Variants in ST6GAL2 observed in about 807,000 individuals in gnomAD.
The protein encoded by ST6GAL2 is beta-galactoside alpha-2,6-sialyltransferase 2.
ST6GAL2 carries 24 observed loss-of-function variants against 37.5 expected under a neutral mutation model. The ratio of observed to expected loss-of-function variants is 0.64; its 90% CI spans 0.46 to 0.90. The LOEUF is 0.90. Ranked by LOEUF, ST6GAL2 falls within the 40% of genes least tolerant of loss-of-function variation. The pLI is 0.00. For synonymous variants in ST6GAL2, 306 were observed against 295.1 expected, an observed-to-expected ratio of 1.04 and a Z score of -0.38; for missense variants, 715 against 712.7, an observed-to-expected ratio of 1.00 and a Z score of -0.04.
intron 1 of ST6GAL2, among the ~76,000 whole-genome samples, chr2:106,885,538 T>C (rs1678943648): frequency 6.6e-6 from 1 of 152,008 alleles, no homozygotes; most frequent in Non-Finnish European, 1.5e-5. Flanking sequence ...TTAACTTCAC[T>C]CAGTCCCCCA....
At chr2:106,854,929 CAAA>C (rs34470697) in intron 1 of ST6GAL2, among the ~76,000 whole-genome samples, 1 of 131,052 alleles carries the variant, frequency 7.6e-6, no homozygotes. Context: ...TTATTTTTTC[CAAA>C]AAAAAAAAAA....
chr2:106,866,077 A>G (rs1678014184), intron 1 of ST6GAL2, among the ~76,000 whole-genome samples: 5 of 152,238 alleles, frequency 3.3e-5, no homozygotes, highest in Admixed American at 2.6e-4. Flanking sequence ...GGTACCAAGA[A>G]TATTAGTAAT....
chr2:106,832,067 A>G (rs1275923979), intron 4 of ST6GAL2, among the ~76,000 whole-genome samples: 2 of 152,222 alleles, frequency 1.3e-5, no homozygotes. Flanking sequence ...CCTATTGCAT[A>G]AAATTCAACA....
chr2:106,811,848 G>A (rs563588559), intron 5 of ST6GAL2, among the ~76,000 whole-genome samples: 2 of 152,238 alleles, frequency 1.3e-5, no homozygotes, highest in Admixed American at 1.3e-4. Flanking sequence ...TACTCACGAT[G>A]ATGATTTATA....
At chr2:106,810,621 C>T (rs530156527) in intron 5 of ST6GAL2, among the ~76,000 whole-genome samples, 1 of 152,152 alleles carries the variant, frequency 6.6e-6, no homozygotes, top group African/African-American at 2.4e-5. Flanking sequence ...GGTATGGAGG[C>T]ATCTTCCAAA....
intron 5 of ST6GAL2, among the ~76,000 whole-genome samples, chr2:106,817,394 T>C (rs148638681): frequency 2.0e-5 from 3 of 152,292 alleles, no homozygotes; most frequent in Non-Finnish European, 4.4e-5. Context: ...CACAGTAGGA[T>C]AGGGCACCAG....
chr2:106,806,999 G>A lies in ST6GAL2; in HGVS notation c.1319-50C>T, dbSNP rs768255092. ...ACCTAATGAACAACTCCATGTGAGAGGGATGAGTTTTTTGGGGGAGGGGTG... is the reference window on the plus strand; with the variant it reads ...ACCTAATGAACAACTCCATGTGAGAAGGATGAGTTTTTTGGGGGAGGGGTG... On this transcript the variant is annotated intron_variant, in intron 5 of 5. Transcript: ENST00000409382. 10 of 1,520,978 alleles carry A rather than the reference G, an allele frequency of 6.6e-6. No homozygotes were observed. The South Asian group carries it at 9.9e-5, about 15-fold the overall frequency. 94.2% of individuals were successfully genotyped at this position (1,520,978 alleles called of 1,614,324 possible).
At chr2:106,845,298 G>C (rs1677098852) in intron 1 of ST6GAL2, among the ~76,000 whole-genome samples, 1 of 152,206 alleles carries the variant, frequency 6.6e-6, no homozygotes, top group Non-Finnish European at 1.5e-5. Context: ...GGCACATGCT[G>C]TATAAAAAAT....
At chr2:106,876,942 A>G (rs1164805163) in intron 1 of ST6GAL2, among the ~76,000 whole-genome samples, 13 of 152,136 alleles carry the variant, frequency 8.5e-5, no homozygotes, top group Admixed American at 8.5e-4. Flanking sequence ...AGAGGCAGAA[A>G]ATGAGGAAGA....
chr2:106,885,082 A>C (rs1678922677), intron 1 of ST6GAL2, among the ~76,000 whole-genome samples: 1 of 151,614 alleles, frequency 6.6e-6, no homozygotes. Flanking sequence ...CAAAAAAGGG[A>C]AGCATCAAAG....
intron 1 of ST6GAL2, among the ~76,000 whole-genome samples, chr2:106,862,694 A>G (rs569532613): frequency 2.0e-5 from 3 of 152,180 alleles, no homozygotes; most frequent in Non-Finnish European, 4.4e-5. Flanking sequence ...TTCTGCAATA[A>G]AACAAAATAT....
chr2:106,850,619 A>G (rs1485538632), intron 1 of ST6GAL2, among the ~76,000 whole-genome samples: 1 of 152,170 alleles, frequency 6.6e-6, no homozygotes, highest in African/African-American at 2.4e-5. Flanking sequence ...GCAAAATGCT[A>G]CAGAAATCAC....
chr2:106,823,556 C>A (rs1676092521), intron 5 of ST6GAL2, among the ~76,000 whole-genome samples: 1 of 151,632 alleles, frequency 6.6e-6, no homozygotes, highest in Admixed American at 6.6e-5. Context: ...GGCAAGAACA[C>A]ACGATGTATG....
In ST6GAL2 at chr2:106,860,418, G is replaced by A. The variant is rs560310157; in HGVS notation, c.-57-16384C>T. ...AAAGACTTAGGGCATAATTTCAATG[G>A]GGGAGCCTGGGAAGGTCTTTTGCAG... On this transcript the variant is annotated intron_variant, in intron 1 of 5. Coordinates refer to ENST00000409382, the MANE Select transcript of ST6GAL2 (RefSeq NM_001142351.2). Among the ~76,000 whole-genome samples the A allele has an allele frequency of 2.0e-4, 31 of 152,252 alleles. 1 individual carries two copies. In the Middle Eastern group the frequency reaches 0.027, roughly 134 times the overall value.
At chr2:106,867,554 C>T (rs1217168934) in intron 1 of ST6GAL2, among the ~76,000 whole-genome samples, 2 of 152,184 alleles carry the variant, frequency 1.3e-5, no homozygotes, top group Admixed American at 1.3e-4. Flanking sequence ...TTTCTAAGAA[C>T]CTCAGAAATC....
At chr2:106,829,046 A>G (rs992475967) in intron 5 of ST6GAL2, among the ~76,000 whole-genome samples, 6 of 152,200 alleles carry the variant, frequency 3.9e-5, no homozygotes, top group Non-Finnish European at 7.3e-5. Context: ...GTCTCATCAA[A>G]GCCCGCACCT....
chr2:106,842,955 G>A (rs995129692), intron 2 of ST6GAL2, 80 bp downstream of exon 2: 1 of 1,102,384 alleles, frequency 9.1e-7, no homozygotes, highest in Non-Finnish European at 1.2e-6. Context: ...CAGAGATCCA[G>A]AGGCGCGCTC....
chr2:106,862,154 T>A (rs1558718974), intron 1 of ST6GAL2, among the ~76,000 whole-genome samples: 1 of 152,230 alleles, frequency 6.6e-6, no homozygotes, highest in Non-Finnish European at 1.5e-5. Flanking sequence ...GTATATGATA[T>A]GCAGCTTAAA....
chr2:106,815,747 T>A (rs1011244469), intron 5 of ST6GAL2, among the ~76,000 whole-genome samples: 2 of 152,346 alleles, frequency 1.3e-5, no homozygotes, highest in African/African-American at 4.8e-5. Flanking sequence ...CAAGGTCATA[T>A]AGCTACTCAG....
Sources: gnomAD v4.1 joint callset for allele counts (sites outside exome capture counted in the v4.1 genomes callset) on GRCh38, gnomAD v4.1.1 for gene constraint, MANE v1.5 for transcripts, NCBI Gene and HGNC (gene_info 2026-07-23, HGNC 2026-07-21) for gene names.